Variants in ERBB4 observed in about 807,000 individuals in gnomAD.
ERBB4 encodes erb-b2 receptor tyrosine kinase 4.
In ERBB4, 42 loss-of-function variants were observed where a neutral mutation model predicts 158.0. The ratio of observed to expected loss-of-function variants is 0.27; its 90% CI spans 0.21 to 0.34. The LOEUF (loss-of-function observed/expected upper bound fraction) is 0.34. ERBB4 is among the 10% of genes least tolerant of loss of function. ERBB4 has a pLI of 1.00. For synonymous variants in ERBB4, 583 were observed against 558.7 expected (o/e 1.04, Z -0.61); for missense variants, 1,333 against 1,624.1 (o/e 0.82, Z 3.08).
chr2:211,724,314 T>C (rs957697277), intron 6 of ERBB4, among the ~76,000 whole-genome samples: 3 of 151,970 alleles, frequency 2.0e-5, no homozygotes, highest in African/African-American at 7.2e-5. Flanking sequence ...AGCTTTAATA[T>C]ATGGTTTGCT....
intron 2 of ERBB4, among the ~76,000 whole-genome samples, chr2:212,054,307 A>G (rs1468469360): frequency 6.6e-6 from 1 of 152,192 alleles, no homozygotes; most frequent in East Asian, 1.9e-4. Flanking sequence ...TCTGTGTCTG[A>G]GTAAAGCATG....
At chr2:212,243,440 TAAAG>T (rs1211234580) in intron 1 of ERBB4, among the ~76,000 whole-genome samples, 1 of 151,586 alleles carries the variant, frequency 6.6e-6, no homozygotes, top group East Asian at 1.9e-4. Flanking sequence ...TATCACCATA[TAAAG>T]AAAAAGAAAA....
intron 1 of ERBB4, among the ~76,000 whole-genome samples, chr2:212,285,031 C>G (rs1472454655): frequency 6.6e-6 from 1 of 151,982 alleles, no homozygotes; most frequent in Non-Finnish European, 1.5e-5. Flanking sequence ...AATTTGATAG[C>G]TCAAAACGAA....
intron 1 of ERBB4, among the ~76,000 whole-genome samples, chr2:212,175,697 A>C (rs2081644605): frequency 6.6e-6 from 1 of 151,098 alleles, no homozygotes; most frequent in Non-Finnish European, 1.5e-5. Context: ...ATTTATTCTT[A>C]GTTTGGAGGA....
chr2:212,214,993 A>C (rs1423859866), intron 1 of ERBB4, among the ~76,000 whole-genome samples: 4 of 151,676 alleles, frequency 2.6e-5, no homozygotes, highest in Non-Finnish European at 4.4e-5. Flanking sequence ...AAACAAAAAA[A>C]TGCATACTTT....
intron 3 of ERBB4, among the ~76,000 whole-genome samples, chr2:211,817,742 G>C (rs1299891329): frequency 6.6e-6 from 1 of 152,054 alleles, no homozygotes; most frequent in African/African-American, 2.4e-5. Flanking sequence ...TCTGGATTTT[G>C]CCTTTAAAGG....
At chr2:212,070,444 A>G (rs951593780) in intron 2 of ERBB4, among the ~76,000 whole-genome samples, 3 of 152,196 alleles carry the variant, frequency 2.0e-5, no homozygotes, top group Middle Eastern at 3.4e-3. Context: ...CTGGTTTCAC[A>G]GCTTGTGATA....
At chr2:211,504,845 G>C (rs547230754) in intron 20 of ERBB4, among the ~76,000 whole-genome samples, 1 of 152,044 alleles carries the variant, frequency 6.6e-6, no homozygotes, top group Admixed American at 6.5e-5. Context: ...AGACAAAGCA[G>C]AAAAAGGAAT....
chr2:211,444,527 G>A (rs559961325), intron 20 of ERBB4, among the ~76,000 whole-genome samples: 1 of 151,854 alleles, frequency 6.6e-6, no homozygotes, highest in Non-Finnish European at 1.5e-5. Flanking sequence ...TGAAAATCAG[G>A]GACACCTTGT....
intron 20 of ERBB4, among the ~76,000 whole-genome samples, chr2:211,448,369 G>A (rs1369881177): frequency 6.6e-6 from 1 of 151,906 alleles, no homozygotes; most frequent in Non-Finnish European, 1.5e-5. Context: ...AAACAGTATT[G>A]GAGAATAACT....
intron 2 of ERBB4, among the ~76,000 whole-genome samples, chr2:212,088,356 G>A (rs968429955): frequency 2.0e-5 from 3 of 152,140 alleles, no homozygotes; most frequent in Non-Finnish European, 4.4e-5. Context: ...ATCAAAGGAA[G>A]ATGTGGGTTT....
At chr2:211,561,772 T>C (rs923866920) in intron 20 of ERBB4, 131 bp downstream of exon 20, 4 of 805,130 alleles carry the variant, frequency 5.0e-6, no homozygotes, top group Non-Finnish European at 6.4e-6. Context: ...CTGTTATGTA[T>C]CTTTCATTGC....
chr2:211,961,355 G>A (rs1224262200), intron 2 of ERBB4, among the ~76,000 whole-genome samples: 1 of 152,130 alleles, frequency 6.6e-6, no homozygotes, highest in Admixed American at 6.6e-5. Flanking sequence ...TAAAAATGGA[G>A]TTTCATAAGC....
chr2:212,403,760 G>A (rs73060401), intron 1 of ERBB4, among the ~76,000 whole-genome samples: 4,705 of 152,018 alleles, frequency 0.031, 239 homozygotes, highest in African/African-American at 0.11. Flanking sequence ...TAATCGACAG[G>A]TACAAAGTTT....
At chr2:211,491,756 A>G (rs1215573146) in intron 20 of ERBB4, among the ~76,000 whole-genome samples, 1 of 152,096 alleles carries the variant, frequency 6.6e-6, no homozygotes, top group African/African-American at 2.4e-5. Flanking sequence ...AATGAGATCA[A>G]TGGAAACGTT....
chr2:211,880,793 A>G (rs1373385651), intron 3 of ERBB4, among the ~76,000 whole-genome samples: 1 of 152,214 alleles, frequency 6.6e-6, no homozygotes, highest in East Asian at 1.9e-4. Context: ...ACAGTTTACA[A>G]ATGAATGTTA....
intron 1 of ERBB4, 58 bp downstream of exon 1, chr2:212,538,391 C>G (rs1693227922): frequency 6.7e-7 from 1 of 1,499,494 alleles, no homozygotes; most frequent in African/African-American, 1.4e-5. Flanking sequence ...GGGAGCCACT[C>G]GAGGCAGCCC....
chr2:212,511,267 G>A (rs1388210345), intron 1 of ERBB4, among the ~76,000 whole-genome samples: 1 of 151,976 alleles, frequency 6.6e-6, no homozygotes, highest in Non-Finnish European at 1.5e-5. Flanking sequence ...TTCCCTATTA[G>A]GCTTCCAAAG....
chr2:212,531,293 C>T (rs1692743129), intron 1 of ERBB4, among the ~76,000 whole-genome samples: 1 of 152,070 alleles, frequency 6.6e-6, no homozygotes, highest in African/African-American at 2.4e-5. Flanking sequence ...TCAGCTACAA[C>T]CAGAGAGCAT....
Sources: allele counts gnomAD v4.1 joint callset (sites outside exome capture counted in the v4.1 genomes callset), GRCh38; gene constraint gnomAD v4.1.1; transcripts MANE v1.5; gene names NCBI Gene and HGNC (gene_info 2026-07-23, HGNC 2026-07-21).